The following GAS2 variants were observed in gnomAD, a reference collection of about 807,000 sequenced individuals.
GAS2 encodes the protein growth arrest specific 2, also known as growth arrest-specific protein 2.
A neutral mutation model predicts 37.5 loss-of-function variants in GAS2; 20 were observed. The observed-to-expected ratio is 0.53, with a 90% CI of 0.37 to 0.77. GAS2 has a LOEUF of 0.77. GAS2 is among the 30% of genes least tolerant of loss of function. The probability of loss-of-function intolerance (pLI) is 0.00; values close to 1 mark genes in which losing one functional copy is unlikely to be tolerated. For synonymous variants in GAS2, 144 were observed against 132.2 expected, an observed-to-expected ratio of 1.09 and a Z score of -0.61; for missense variants, 336 against 373.4, an observed-to-expected ratio of 0.90 and a Z score of 0.82.
intron 3 of GAS2, 82 bp downstream of exon 3, chr11:22,685,871 T>G: frequency 7.1e-7 from 1 of 1,407,312 alleles, no homozygotes; most frequent in Non-Finnish European, 9.6e-7. Context: ...AATTAAAAAA[T>G]TTATTGTGAA....
intron 1 of GAS2, among the ~76,000 whole-genome samples, chr11:22,635,636 C>T (rs1858811678): frequency 6.6e-6 from 1 of 152,234 alleles, no homozygotes; most frequent in Admixed American, 6.5e-5. Flanking sequence ...GTACTTCCCA[C>T]TTGTCTCAGT....
intron 1 of GAS2, among the ~76,000 whole-genome samples, chr11:22,630,623 A>G (rs1858730611): frequency 6.6e-6 from 1 of 152,238 alleles, no homozygotes; most frequent in East Asian, 1.9e-4. Context: ...CCTTTTGCCA[A>G]TTTATGTTTT....
chr11:22,718,003 C>CT (rs925582467), intron 3 of GAS2, among the ~76,000 whole-genome samples: 9 of 151,914 alleles, frequency 5.9e-5, no homozygotes, highest in African/African-American at 1.9e-4. Context: ...AAAAGGAACA[C>CT]TTTTTTTTAC....
chr11:22,809,703 AG>A (rs1465268112), intron 7 of GAS2, among the ~76,000 whole-genome samples: 4 of 149,922 alleles, frequency 2.7e-5, no homozygotes, highest in Non-Finnish European at 4.4e-5. Flanking sequence ...CATATTGGTC[AG>A]GATGGTCTCA....
chr11:22,749,037 A>G, intron 5 of GAS2, 83 bp from the exon 6 acceptor site: 1 of 1,286,326 alleles, frequency 7.8e-7, no homozygotes, highest in Non-Finnish European at 1.1e-6. Context: ...ATTTACTCCC[A>G]TGGTGCTCAT....
intron 7 of GAS2, among the ~76,000 whole-genome samples, chr11:22,802,012 A>T (rs542836439): frequency 1.1e-4 from 16 of 150,424 alleles, no homozygotes; most frequent in Non-Finnish European, 2.2e-4. Context: ...AGAAAATATA[A>T]AAAAAAAAGC....
At chr11:22,734,759 C>T (rs1286486291) in intron 4 of GAS2, among the ~76,000 whole-genome samples, 5 of 151,524 alleles carry the variant, frequency 3.3e-5, no homozygotes, top group African/African-American at 1.2e-4. Context: ...GTAGAATAAC[C>T]TCCCAAAATA....
At chr11:22,704,570 G>T in intron 3 of GAS2, among the ~76,000 whole-genome samples, 1 of 110,946 alleles carries the variant, frequency 9.0e-6, no homozygotes, top group African/African-American at 3.8e-5. Context: ...ACTTCAATTA[G>T]AAGCCAGTGA....
intron 7 of GAS2, among the ~76,000 whole-genome samples, chr11:22,774,405 A>G (rs896887384): frequency 2.6e-5 from 4 of 152,244 alleles, no homozygotes; most frequent in Non-Finnish European, 4.4e-5. Flanking sequence ...GCTACTACAA[A>G]TGACTTATCT....
At chr11:22,751,204 C>T (rs750026186) in intron 6 of GAS2, among the ~76,000 whole-genome samples, 1 of 152,076 alleles carries the variant, frequency 6.6e-6, no homozygotes. Flanking sequence ...TTGTCTGCTG[C>T]ATTAGTCCCT....
intron 7 of GAS2, among the ~76,000 whole-genome samples, chr11:22,758,343 A>G (rs1184763647): frequency 2.6e-5 from 4 of 152,138 alleles, no homozygotes; most frequent in Non-Finnish European, 5.9e-5. Context: ...ACTTTGTCAT[A>G]TCTTTTTTGA....
chr11:22,795,704 A>T (rs1009767257), intron 7 of GAS2, among the ~76,000 whole-genome samples: 1 of 152,088 alleles, frequency 6.6e-6, no homozygotes, highest in Non-Finnish European at 1.5e-5. Context: ...GGCTATTGGG[A>T]TAGCTCTGTA....
chr11:22,732,969 C>T (rs1852558220), intron 4 of GAS2, among the ~76,000 whole-genome samples: 1 of 151,596 alleles, frequency 6.6e-6, no homozygotes, highest in African/African-American at 2.4e-5. Context: ...TGTATATACA[C>T]ATCACCTGGA....
At chr11:22,676,783 G>A (rs1849447808) in intron 2 of GAS2, among the ~76,000 whole-genome samples, 1 of 150,702 alleles carries the variant, frequency 6.6e-6, no homozygotes, top group Non-Finnish European at 1.5e-5. Flanking sequence ...AAAAAAAAGT[G>A]GACTCTGGAA....
chr11:22,726,469 A>G (rs1159776086), intron 4 of GAS2, 36 bp downstream of exon 4: 1 of 1,573,832 alleles, frequency 6.4e-7, no homozygotes, highest in Admixed American at 1.8e-5. Context: ...TTGATAAGAT[A>G]CGCAAATTAT....
chr11:22,750,037 A>AGAT (rs1281633056), intron 6 of GAS2, among the ~76,000 whole-genome samples: 1 of 152,026 alleles, frequency 6.6e-6, no homozygotes, highest in African/African-American at 2.4e-5. Context: ...TTAATAAAGG[A>AGAT]GATAAATCAT....
intron 3 of GAS2, among the ~76,000 whole-genome samples, chr11:22,700,340 A>G (rs1376412271): frequency 1.3e-5 from 2 of 152,048 alleles, no homozygotes; most frequent in Non-Finnish European, 2.9e-5. Context: ...AATCCTGAAG[A>G]CTTTATTCTC....
chr11:22,677,048 A>G (rs1849460076), intron 2 of GAS2, among the ~76,000 whole-genome samples: 1 of 152,224 alleles, frequency 6.6e-6, no homozygotes, highest in Non-Finnish European at 1.5e-5. Context: ...GATAGTGATT[A>G]AGAATAAACA....
At chr11:22,735,224 C>CTTTTTTTTTTTT (rs397750049) in intron 4 of GAS2, among the ~76,000 whole-genome samples, 3 of 109,146 alleles carry the variant, frequency 2.7e-5, no homozygotes, top group Non-Finnish European at 5.3e-5. Context: ...ACCAATCATT[C>CTTTTTTTTTTTT]TTTTTTTTTT....
Sources: allele counts gnomAD v4.1 joint callset (sites outside exome capture counted in the v4.1 genomes callset), GRCh38; gene constraint gnomAD v4.1.1; transcripts MANE v1.5; gene names NCBI Gene and HGNC (gene_info 2026-07-23, HGNC 2026-07-21).